The following ACCSL variants were observed in gnomAD, a reference collection of about 807,000 sequenced individuals.
ACCSL encodes probable inactive 1-aminocyclopropane-1-carboxylate synthase-like protein 2.
ACCSL carries 55 observed loss-of-function variants against 61.7 expected under a neutral mutation model. The ratio of observed to expected loss-of-function variants is 0.89; its 90% confidence interval spans 0.72 to 1.12. The LOEUF is 1.12. Ranked by LOEUF, ACCSL falls within the 50% of genes most tolerant of loss-of-function variation. The probability of loss-of-function intolerance (pLI) is 0.00; values close to 1 mark genes in which losing one functional copy is unlikely to be tolerated. For synonymous variants in ACCSL, 258 were observed against 264.3 expected (o/e 0.98, Z 0.23); for missense variants, 632 against 698.0 (o/e 0.91, Z 1.07).
chr11:44,048,692 C>T, intron 1 of ACCSL, 152 bp downstream of exon 1: 5 of 841,430 alleles, frequency 5.9e-6, no homozygotes, highest in Non-Finnish European at 9.0e-6. Flanking sequence ...GGAATAATTA[C>T]AGAAATAAAG....
At position 44,052,538 on chromosome 11, in the gene ACCSL, C is replaced by T; in HGVS notation, c.773-124C>T. The stretch of plus-strand genomic sequence containing the variant: ...CACCTGAACCTAAGAACATTAATCC[C>T]CAGGTAGAAAGGATCGTGAAACTGA... On this transcript the variant is annotated intron_variant, in intron 5 of 13. Transcript: ENST00000378832. The T allele has an allele frequency of 6.5e-6, 5 of 765,496 alleles. No individual in the cohort carries two copies. In the South Asian group the frequency reaches 8.1e-5, roughly 12 times the overall value. 47.4% of individuals were successfully genotyped at this position (765,496 alleles called of 1,614,324 possible). A position where few individuals can be genotyped will look rare whatever the true frequency, so the allele number is the denominator to read the frequency against.
At chr11:44,028,018 A>T in the ACCSL span, among the ~76,000 whole-genome samples, 23 of 152,138 alleles carry the variant, frequency 1.5e-4, no homozygotes, top group African/African-American at 5.6e-4. Context: ...TCTCAAAAAA[A>T]TTATCTGGGC....
chr11:43,969,932 C>T, the ACCSL span, among the ~76,000 whole-genome samples: 1 of 151,866 alleles, frequency 6.6e-6, no homozygotes, highest in Non-Finnish European at 1.5e-5. Context: ...CCTACATACA[C>T]CTTGTCCCTG....
chr11:43,924,548 C>T, the ACCSL span, among the ~76,000 whole-genome samples: 2 of 152,190 alleles, frequency 1.3e-5, no homozygotes, highest in African/African-American at 2.4e-5. Context: ...GGCCGGAGGC[C>T]GGAGGCCGGG....
chr11:44,057,565 C>A (rs150171871), intron 11 of ACCSL, among the ~76,000 whole-genome samples: 1 of 152,204 alleles, frequency 6.6e-6, no homozygotes, highest in South Asian at 2.1e-4. Flanking sequence ...TCTAACAGCT[C>A]CCCAAGTGGT....
chr11:44,034,624 A>G, the ACCSL span, among the ~76,000 whole-genome samples: 5 of 152,130 alleles, frequency 3.3e-5, no homozygotes, highest in Non-Finnish European at 5.9e-5. Flanking sequence ...ATCTCATGAG[A>G]CTTATTCACT....
chr11:43,955,247 G>A, the ACCSL span, among the ~76,000 whole-genome samples: 3 of 152,176 alleles, frequency 2.0e-5, no homozygotes, highest in Admixed American at 1.3e-4. Flanking sequence ...TGCAACCAGC[G>A]TGGTCATGGA....
chr11:44,055,372 A>G, intron 9 of ACCSL, 81 bp downstream of exon 9: 1 of 1,100,416 alleles, frequency 9.1e-7, no homozygotes, highest in Non-Finnish European at 1.4e-6. Flanking sequence ...ACATGAACTT[A>G]ACTCAGTTCC....
At chr11:43,926,262 CACA>C in the ACCSL span, among the ~76,000 whole-genome samples, 2 of 152,190 alleles carry the variant, frequency 1.3e-5, no homozygotes, top group Non-Finnish European at 2.9e-5. Context: ...GCGGCCCCAC[CACA>C]TGCTCCCCAG....
chr11:43,933,029 A>G, the ACCSL span: 2 of 454,026 alleles, frequency 4.4e-6, no homozygotes, highest in South Asian at 3.1e-5. Flanking sequence ...ACCTGGGAAA[A>G]CCTCTGACCC....
At chr11:44,006,762 C>T in the ACCSL span, among the ~76,000 whole-genome samples, 26 of 152,218 alleles carry the variant, frequency 1.7e-4, no homozygotes, top group African/African-American at 6.0e-4. Flanking sequence ...GCCTTGGCCT[C>T]TCAAAGTGCT....
At chr11:43,943,460 C>CCCGGGAGCG in the ACCSL span, 5 of 1,417,686 alleles carry the variant, frequency 3.5e-6, no homozygotes, top group Non-Finnish European at 4.7e-6. This position sits in a 1 kb window ranked among gnomAD's most constrained non-coding sequence, Gnocchi z 4.8. Flanking sequence ...CTCGCCCTGG[C>CCCGGGAGCG]CCGGGAGCGC....
At chr11:43,936,370 G>C in the ACCSL span, among the ~76,000 whole-genome samples, 23 of 152,208 alleles carry the variant, frequency 1.5e-4, 1 homozygote, top group Non-Finnish European at 2.6e-4. Context: ...GGGCTGGGTA[G>C]GTTTGAGGAG....
chr11:43,933,437 C>T, the ACCSL span: 2 of 247,794 alleles, frequency 8.1e-6, no homozygotes, highest in African/African-American at 4.4e-5. Flanking sequence ...TGGTCTTGTT[C>T]CCTCCCCTCT....
At chr11:43,923,264 TTTC>T in the ACCSL span, among the ~76,000 whole-genome samples, 6 of 152,208 alleles carry the variant, frequency 3.9e-5, no homozygotes, top group Non-Finnish European at 8.8e-5. Flanking sequence ...GCTGGGAATA[TTTC>T]TTCTTTGAGT....
chr11:43,921,427 C>T, the ACCSL span, among the ~76,000 whole-genome samples: 1 of 152,138 alleles, frequency 6.6e-6, no homozygotes, highest in Non-Finnish European at 1.5e-5. Flanking sequence ...GAAATACTTT[C>T]TAAAATTTGA....
chr11:43,981,086 A>T, the ACCSL span, among the ~76,000 whole-genome samples: 2 of 141,872 alleles, frequency 1.4e-5, no homozygotes, highest in Admixed American at 7.3e-5. Flanking sequence ...GGGAAACAAG[A>T]TGGGGCAGGA....
At chr11:44,037,058 G>A in the ACCSL span, among the ~76,000 whole-genome samples, 1 of 152,156 alleles carries the variant, frequency 6.6e-6, no homozygotes, top group Non-Finnish European at 1.5e-5. Flanking sequence ...GGGCAGCTGG[G>A]TCAGTGTCCC....
chr11:43,958,205 T>G, the ACCSL span, among the ~76,000 whole-genome samples: 1 of 152,164 alleles, frequency 6.6e-6, no homozygotes, highest in Non-Finnish European at 1.5e-5. Flanking sequence ...GTCATAAGAT[T>G]TGCAACTTCC....
Sources: gnomAD v4.1 joint callset for allele counts (sites outside exome capture counted in the v4.1 genomes callset) on GRCh38, gnomAD v4.1.1 for gene constraint, Gnocchi (gnomAD v3.1) non-coding constraint, MANE v1.5 for transcripts, NCBI Gene and HGNC (gene_info 2026-07-23, HGNC 2026-07-21) for gene names.